USP35: variants seen among roughly 807,000 people sequenced by gnomAD.
USP35 encodes ubiquitin carboxyl-terminal hydrolase 35.
USP35 carries 69 observed loss-of-function variants against 83.8 expected under a neutral mutation model. The ratio of observed to expected loss-of-function variants is 0.82; its 90% CI spans 0.68 to 1.01. The LOEUF is 1.01. Among genes scored for constraint, USP35 ranks in the 50% least tolerant of loss-of-function variants. The probability of loss-of-function intolerance (pLI) is 0.00; values close to 1 mark genes in which losing one functional copy is unlikely to be tolerated. For missense variants in USP35, 1,503 were observed against 1,362.5 expected, an observed-to-expected ratio of 1.10 and a Z score of -1.62; for synonymous variants, 714 against 589.5, an observed-to-expected ratio of 1.21 and a Z score of -3.06.
At position 78,213,662 on chromosome 11, in the gene USP35, C is replaced by G; in HGVS notation, c.2906C>G (p.Ala969Gly). ...TGTTCCCAGGAGCAGGAGAAGGAGGCCCGGAGCAGGGCGGCCTACATCTCT... is the reference window on the plus strand; with the variant it reads ...TGTTCCCAGGAGCAGGAGAAGGAGGGCCGGAGCAGGGCGGCCTACATCTCT... ...ILYLQEQEKE[A>G]RSRAAYISAL... Residue 969 changes from alanine (A) to glycine (G), a missense_variant, in exon 11 of 11, where the codon GCC becomes GGC. Physicochemically the swap from Ala to Gly is moderately conservative, Grantham distance 60. Coordinates refer to ENST00000529308, the MANE Select transcript of USP35 (RefSeq NM_020798.4). The G allele has an allele frequency of 6.7e-7, 1 of 1,495,502 alleles. No homozygotes were observed. The highest frequency in any genetic ancestry group is 8.9e-7 in the Non-Finnish European group (1 of 1,129,112). The allele number at this position is 1,495,502 out of a possible 1,614,324, so 92.6% of individuals were successfully genotyped here. A position where few individuals can be genotyped will look rare whatever the true frequency, so the allele number is the denominator to read the frequency against.
rs1471472969 is a variant in USP35, at chr11:78,208,886, C to T, written c.1515C>T (p.Leu505=). The change falls in exon 9 of 11, where the codon CTC becomes CTT. Residue 505 remains leucine, a synonymous_variant. Coordinates refer to ENST00000529308, the MANE Select transcript of USP35 (RefSeq NM_020798.4). The stretch of plus-strand genomic sequence containing the variant: ...CTGCCATTTCCCCAGAGAACTTCCT[C>T]TCCGCATCCTGGACGCCCTGGTTCA... The part of the protein sequence containing the change: ...QRPAISPENF[L]SASWTPWFSP... 3.7e-6 allele frequency: 6 copies of T among 1,614,114 alleles called. No homozygotes were observed. The highest frequency in any genetic ancestry group is 3.3e-5 in the South Asian group (3 of 91,090).
At chr11:78,208,736 G>A in intron 8 of USP35, 121 bp from the exon 9 acceptor site, 2 of 1,061,492 alleles carry the variant, frequency 1.9e-6, no homozygotes, top group East Asian at 2.4e-5. Context: ...AGGACCTCAT[G>A]GAGGAGGCCA....
intron 3 of USP35, 147 bp downstream of exon 3, chr11:78,198,215 T>G (rs771415812): frequency 2.3e-6 from 3 of 1,317,766 alleles, no homozygotes; most frequent in Non-Finnish European, 3.1e-6. Flanking sequence ...TATCCTTTCT[T>G]GAGCCCTGCT....
chr11:78,189,543 TC>T (rs1862936598), intron 1 of USP35, among the ~76,000 whole-genome samples: 1 of 152,114 alleles, frequency 6.6e-6, no homozygotes, highest in South Asian at 2.1e-4. Context: ...AATGGGCTTT[TC>T]CTATTCTCAG....
Position 78,196,685 on chromosome 11 carries a change from T to C in USP35, c.440T>C (p.Leu147Pro). Residue 147 changes from leucine to proline, a missense_variant, in exon 2 of 11, where the codon CTG becomes CCG. Coordinates refer to ENST00000529308, the MANE Select transcript of USP35 (RefSeq NM_020798.4). This position sits in a 1 kb window ranked among gnomAD's most constrained non-coding sequence, Gnocchi z 4.8. ...GPAACAQVAR[L>P]LARHPRCVPD... ...GCGGCCTGCGCGCAGGTGGCACGGC[T>C]GCTGGCTCGCCACCCGCGCTGTGTG... 6.7e-7 allele frequency: 1 copy of C among 1,487,996 alleles called. No individual in the cohort carries two copies. Among genetic ancestry groups the C allele is most frequent in the South Asian group, 1.3e-5 (1 of 79,260 alleles). The allele number at this position is 1,487,996 out of a possible 1,614,324, so 92.2% of individuals were successfully genotyped here.
At chr11:78,193,374 T>G (rs1209893889) in intron 1 of USP35, among the ~76,000 whole-genome samples, 1 of 151,036 alleles carries the variant, frequency 6.6e-6, no homozygotes, top group Non-Finnish European at 1.5e-5. Flanking sequence ...GTAATTTTTT[T>G]TTTTTTTTTT....
At chr11:78,231,511 G>T in the USP35 span, among the ~76,000 whole-genome samples, 1 of 152,146 alleles carries the variant, frequency 6.6e-6, no homozygotes, top group South Asian at 2.1e-4. Flanking sequence ...CACTGCACCT[G>T]GCTAATTTTT....
At chr11:78,192,553 C>T (rs571190661) in intron 1 of USP35, among the ~76,000 whole-genome samples, 20 of 152,210 alleles carry the variant, frequency 1.3e-4, no homozygotes, top group Non-Finnish European at 1.9e-4. Flanking sequence ...ATGGTGACAG[C>T]TGTCCTCAGA....
chr11:78,191,287 A>G (rs77882002), intron 1 of USP35, among the ~76,000 whole-genome samples: 2,717 of 152,336 alleles, frequency 0.018, 77 homozygotes, highest in African/African-American at 0.054. Flanking sequence ...AACAGGTGAA[A>G]GGATCTGGGC....
intron 10 of USP35, among the ~76,000 whole-genome samples, chr11:78,212,387 T>G (rs1410130083): frequency 6.6e-6 from 1 of 152,244 alleles, no homozygotes. Context: ...GCTTCCACTT[T>G]TGTTCTTTTT....
At position 78,214,876 on chromosome 11, in the gene USP35, ACTGACTGACTTACTTAC is replaced by A. The variant is rs1189629338; in HGVS notation, c.*1066_*1082del. ...AAGTGGGGTGTAAGTAAACGTGTGGACTGACTGACTTACTTACCTTACTGAGGGCTGGGTGATGCTGC... is the reference window on the plus strand; with the variant it reads ...AAGTGGGGTGTAAGTAAACGTGTGGACTTACTGAGGGCTGGGTGATGCTGC... On this transcript the variant is annotated 3_prime_UTR_variant, in exon 11 of 11. Coordinates refer to ENST00000529308, the MANE Select transcript of USP35 (RefSeq NM_020798.4). 7.3e-6 allele frequency among the ~76,000 whole-genome samples: 1 copy of A among 136,948 alleles called. No individual in the cohort carries two copies. The highest frequency in any genetic ancestry group is 1.5e-5 in the Non-Finnish European group (1 of 65,666). The allele number at this position is 136,948 out of a possible 152,430, so 89.8% of individuals were successfully genotyped here. A position where few individuals can be genotyped will look rare whatever the true frequency, so the allele number is the denominator to read the frequency against.
At chr11:78,194,062 CTTCTGAGGCA>C (rs1863075141) in intron 1 of USP35, among the ~76,000 whole-genome samples, 1 of 152,072 alleles carries the variant, frequency 6.6e-6, no homozygotes, top group Non-Finnish European at 1.5e-5. Context: ...TGCCCAGGTG[CTTCTGAGGCA>C]TTCTGAGGCT....
chr11:78,218,419 G>A (rs1311985788), downstream of USP35: 3 of 152,610 alleles, frequency 2.0e-5, no homozygotes, highest in African/African-American at 7.2e-5. Flanking sequence ...CCTCTGAGGG[G>A]ACTGGGGAAG....
rs748248704 is a variant in USP35 at position 78,196,272 on chromosome 11, G to A, written c.27G>A (p.Val9=). The A allele has an allele frequency of 5.0e-6, 8 of 1,595,434 alleles. No homozygotes were observed. In the Admixed American group the frequency reaches 6.7e-5, roughly 13 times the overall value. The change falls in exon 2 of 11, where the codon GTG becomes GTA. Residue 9 remains valine, a synonymous_variant. Coordinates refer to ENST00000529308, the MANE Select transcript of USP35 (RefSeq NM_020798.4). The surrounding 1 kb of genome is among the most constrained non-coding windows in gnomAD (Gnocchi z 4.8). MDKILEAV[V]TSSYPVSVKQ... is the part of the protein sequence containing the mutation. Reference sequence around the variant, plus strand: ...TGGACAAGATCTTGGAGGCGGTGGTGACGTCGTCATACCCGGTCAGCGTGA... The same window carrying A: ...TGGACAAGATCTTGGAGGCGGTGGTAACGTCGTCATACCCGGTCAGCGTGA...
At chr11:78,227,012 G>A in the USP35 span, 34 of 1,612,884 alleles carry the variant, frequency 2.1e-5, no homozygotes, top group Non-Finnish European at 1.1e-5. Context: ...CACTCCTCAT[G>A]AGAAAAGAGG....
intron 3 of USP35, among the ~76,000 whole-genome samples, chr11:78,198,400 G>A (rs1486119844): frequency 6.6e-6 from 1 of 152,194 alleles, no homozygotes; most frequent in Non-Finnish European, 1.5e-5. Flanking sequence ...TGGGTAAGAG[G>A]GTGAGAGTGC....
At chr11:78,225,704 C>T in the USP35 span, among the ~76,000 whole-genome samples, 1 of 152,156 alleles carries the variant, frequency 6.6e-6, no homozygotes. Flanking sequence ...AGCTGGGACT[C>T]TAGGGTCTGA....
chr11:78,213,041 G>GAGTT (rs1863856059), intron 10 of USP35, among the ~76,000 whole-genome samples: 1 of 152,206 alleles, frequency 6.6e-6, no homozygotes, highest in Non-Finnish European at 1.5e-5. Flanking sequence ...CCAGTGCCTG[G>GAGTT]AGTTTGTGTT....
At chr11:78,200,062 C>T (rs2137035059) in intron 4 of USP35, 71 bp from the exon 5 acceptor site, 2 of 1,543,682 alleles carry the variant, frequency 1.3e-6, no homozygotes, top group East Asian at 2.2e-5. Context: ...TGAGTCCCCT[C>T]TCAGGCTTGT....
Sources: gnomAD v4.1 joint callset for allele counts (sites outside exome capture counted in the v4.1 genomes callset) on GRCh38, gnomAD v4.1.1 for gene constraint, Gnocchi (gnomAD v3.1) non-coding constraint, MANE v1.5 for transcripts, NCBI Gene and HGNC (gene_info 2026-07-23, HGNC 2026-07-21) for gene names.